The following ANKFY1 variants were observed in gnomAD, a reference collection of about 807,000 sequenced individuals.
ANKFY1 encodes ankyrin repeat and FYVE domain containing 1.
Under a neutral mutation model 128.3 loss-of-function variants are expected in ANKFY1, and 47 were observed. That is an observed-to-expected ratio of 0.37 (90% CI 0.29 to 0.47). The LOEUF (loss-of-function observed/expected upper bound fraction) is 0.47. ANKFY1 is among the 20% of genes least tolerant of loss of function. The pLI, the probability that ANKFY1 is intolerant of heterozygous loss-of-function variation, is 1.00. For missense variants in ANKFY1, 1,222 were observed against 1,510.6 expected (o/e 0.81, Z 3.17); for synonymous variants, 553 against 601.6 (o/e 0.92, Z 1.18).
rs1194732081 is a variant in ANKFY1 at position 4,165,542 on chromosome 17, C to T, written c.*2237G>A. 1.3e-5 allele frequency: 2 copies of T among 152,202 alleles called. No homozygotes were observed. Among genetic ancestry groups the T allele is most frequent in the East Asian group, 1.9e-4 (1 of 5,194 alleles). The allele number at this position is 152,202 out of a possible 1,614,324, so 9.4% of individuals were successfully genotyped here. A position where few individuals can be genotyped will look rare whatever the true frequency, so the allele number is the denominator to read the frequency against. ...TGCTGAGTGCAGCCCAGCGAGCGTC[C>T]GCGTGGTCGGGGGGCTTCCTAAGTC... is the stretch of plus-strand genomic sequence containing the variant. On this transcript the variant is annotated 3_prime_UTR_variant, in exon 25 of 25. Transcript: ENST00000341657.
chr17:4,246,145 G>A (rs562513918), intron 1 of ANKFY1, among the ~76,000 whole-genome samples: 1 of 152,208 alleles, frequency 6.6e-6, no homozygotes, highest in East Asian at 1.9e-4. Flanking sequence ...AGAGCACTCT[G>A]ATAGGGGATA....
intron 5 of ANKFY1, among the ~76,000 whole-genome samples, chr17:4,208,776 C>A (rs536733834): frequency 6.6e-6 from 1 of 152,144 alleles, no homozygotes; most frequent in African/African-American, 2.4e-5. Context: ...AAACACTGGC[C>A]GGGCGCAGTG....
intron 4 of ANKFY1, chr17:4,216,766 AC>A (rs2060226582): frequency 1.7e-6 from 1 of 603,528 alleles, no homozygotes; most frequent in Non-Finnish European, 3.0e-6. Flanking sequence ...CAGGTAACAG[AC>A]CAGTGAAAGA....
At chr17:4,208,171 A>G (rs2060060614) in intron 5 of ANKFY1, 89 bp from the exon 6 acceptor site, 1 of 1,344,322 alleles carries the variant, frequency 7.4e-7, no homozygotes, top group Non-Finnish European at 1.0e-6. Flanking sequence ...TGCATCAGTC[A>G]GGCCCTTCTT....
At position 4,183,511 on chromosome 17, in the gene ANKFY1, G is replaced by A. The variant is rs371581284; in HGVS notation, c.1839C>T (p.Ala613=). The change falls in exon 14 of 25, where the codon GCC becomes GCT. Residue 613 remains alanine (A), a synonymous_variant. Transcript: ENST00000341657. ...TIAAQLLGSG[A]AINDTMSDGQ... is the part of the protein sequence containing the mutation. ...CATCCGACATGGTGTCATTGATGGC[G>A]GCTCCAGAGCCCAGCAGCTGGGCTG... is the stretch of plus-strand genomic sequence containing the variant. 2.4e-5 allele frequency: 39 copies of A among 1,612,812 alleles called. No homozygotes were observed. Among genetic ancestry groups the A allele is most frequent in the Admixed American group, 3.3e-5 (2 of 59,988 alleles).
intron 7 of ANKFY1, among the ~76,000 whole-genome samples, chr17:4,203,827 C>CAAAAAA (rs773865349): frequency 9.2e-3 from 705 of 76,584 alleles, no homozygotes; most frequent in East Asian, 0.02. Flanking sequence ...ACAACAACAA[C>CAAAAAA]AAAAAAAAAA....
At chr17:4,249,917 CTAAA>C (rs1453290927) in intron 1 of ANKFY1, among the ~76,000 whole-genome samples, 1 of 152,214 alleles carries the variant, frequency 6.6e-6, no homozygotes, top group Non-Finnish European at 1.5e-5. Context: ...CATCACTCTA[CTAAA>C]TAGTCACAAT....
chr17:4,203,674 G>T (rs1163175064), intron 7 of ANKFY1, among the ~76,000 whole-genome samples: 6 of 151,644 alleles, frequency 4.0e-5, no homozygotes, highest in African/African-American at 1.5e-4. Flanking sequence ...AATTAGCCGG[G>T]CGTGGTGGCA....
chr17:4,195,404 G>A lies in ANKFY1; in HGVS notation c.1171C>T (p.Gln391Ter). 1 of 1,613,938 alleles carries A rather than the reference G, an allele frequency of 6.2e-7. No homozygotes were observed. The highest frequency in any genetic ancestry group is 8.5e-7 in the Non-Finnish European group (1 of 1,179,926). The change falls in exon 9 of 25, where the codon CAA (glutamine) becomes TAA (stop). Residue 391 changes from glutamine (Q) to a stop codon, truncating the protein, a stop_gained and splice_region_variant. Coordinates refer to ENST00000341657, the MANE Select transcript of ANKFY1 (RefSeq NM_001330063.2). LOFTEE classifies it high-confidence loss of function. ...ACTTGTGCGTGTCTCCCTACGTACT[G>A]TTTGCACTGCAGCAGCTGACTGAAC... ...YVFSQLLQCK[Q>*]LDLELKDHEG... is the part of the protein sequence containing the mutation.
Position 4,256,563 on chromosome 17 carries a change from T to C in ANKFY1, c.10+7369A>G, listed in dbSNP as rs535219616. Among the ~76,000 whole-genome samples the C allele has an allele frequency of 5.9e-5, 9 of 152,216 alleles. No individual in the cohort carries two copies. In the South Asian group the frequency reaches 1.9e-3, roughly 32 times the overall value. Reference sequence around the variant, plus strand: ...AGCATCCGGGGGATTTGGTGACTGATGCAGATCTTGGGGGGAGTCGGAGAT... The same window carrying C: ...AGCATCCGGGGGATTTGGTGACTGACGCAGATCTTGGGGGGAGTCGGAGAT... On this transcript the variant is annotated intron_variant, in intron 1 of 24. Transcript: ENST00000341657.
At chr17:4,263,175 A>G (rs1968513462) in intron 1 of ANKFY1, among the ~76,000 whole-genome samples, 1 of 152,146 alleles carries the variant, frequency 6.6e-6, no homozygotes, top group Non-Finnish European at 1.5e-5. Flanking sequence ...AAGGCTTCTA[A>G]TTACTGCTAC....
At chr17:4,257,804 A>C (rs779733795) in intron 1 of ANKFY1, among the ~76,000 whole-genome samples, 2 of 152,086 alleles carry the variant, frequency 1.3e-5, no homozygotes, top group Non-Finnish European at 2.9e-5. Context: ...CTCCCTCTAT[A>C]CCCATTCCAT....
chr17:4,254,219 G>T (rs182314581), intron 1 of ANKFY1, among the ~76,000 whole-genome samples: 4 of 148,408 alleles, frequency 2.7e-5, no homozygotes, highest in East Asian at 3.9e-4. Flanking sequence ...CAGGAGAATC[G>T]CCTGAACCTG....
At chr17:4,211,803 A>G (rs1297031950) in intron 4 of ANKFY1, among the ~76,000 whole-genome samples, 1 of 152,062 alleles carries the variant, frequency 6.6e-6, no homozygotes, top group Non-Finnish European at 1.5e-5. Flanking sequence ...AGGCTGCGGT[A>G]AGAGCCCAGG....
chr17:4,172,192 T>C (rs1330375878), intron 22 of ANKFY1, among the ~76,000 whole-genome samples: 1 of 152,152 alleles, frequency 6.6e-6, no homozygotes, highest in African/African-American at 2.4e-5. Flanking sequence ...ATCTAGCACA[T>C]TTCTTCCTTT....
At chr17:4,258,148 C>G (rs1260696363) in intron 1 of ANKFY1, among the ~76,000 whole-genome samples, 1 of 152,342 alleles carries the variant, frequency 6.6e-6, no homozygotes, top group Admixed American at 6.5e-5. Context: ...ATAAAAGGAA[C>G]AGTCCTTAAG....
intron 4 of ANKFY1, among the ~76,000 whole-genome samples, chr17:4,212,435 G>A (rs895288775): frequency 2.0e-5 from 3 of 152,188 alleles, no homozygotes; most frequent in African/African-American, 7.2e-5. Flanking sequence ...AGGAATACTT[G>A]TGTGTTTGTC....
intron 19 of ANKFY1, 81 bp downstream of exon 19, chr17:4,177,045 C>G (rs926365988): frequency 5.1e-6 from 7 of 1,364,732 alleles, no homozygotes; most frequent in South Asian, 1.9e-5. Flanking sequence ...CCGGGCAAAG[C>G]ACCTGTGATG....
chr17:4,218,267 CT>C (rs1447350216), intron 3 of ANKFY1, among the ~76,000 whole-genome samples: 2 of 152,090 alleles, frequency 1.3e-5, no homozygotes, highest in Non-Finnish European at 2.9e-5. Context: ...TACTAAGATG[CT>C]CAGCACAATA....
Sources: allele counts gnomAD v4.1 joint callset (sites outside exome capture counted in the v4.1 genomes callset), GRCh38; gene constraint gnomAD v4.1.1; transcripts MANE v1.5; gene names NCBI Gene and HGNC (gene_info 2026-07-23, HGNC 2026-07-21).